Variants in P4HA3 observed in about 807,000 individuals in gnomAD.
The protein encoded by P4HA3 is prolyl 4-hydroxylase subunit alpha 3, also known as prolyl 4-hydroxylase subunit alpha-3.
P4HA3 carries 60 observed loss-of-function variants against 66.7 expected under a neutral mutation model. The ratio of observed to expected loss-of-function variants is 0.90; its 90% CI spans 0.73 to 1.12. The LOEUF (loss-of-function observed/expected upper bound fraction) is 1.12. Ranked by LOEUF, P4HA3 falls within the 50% of genes most tolerant of loss-of-function variation. The pLI is 0.00. For missense variants in P4HA3, 683 were observed against 685.8 expected, an observed-to-expected ratio of 1.00 and a Z score of 0.05; for synonymous variants, 263 against 274.6, an observed-to-expected ratio of 0.96 and a Z score of 0.42.
At chr11:74,270,488 T>A (rs1860157452) in intron 10 of P4HA3, among the ~76,000 whole-genome samples, 1 of 142,554 alleles carries the variant, frequency 7.0e-6, no homozygotes, top group African/African-American at 2.5e-5. Flanking sequence ...AAAATATTTT[T>A]AAATAACAAT....
chr11:74,300,399 G>A (rs1166365876), intron 3 of P4HA3, among the ~76,000 whole-genome samples: 1 of 152,210 alleles, frequency 6.6e-6, no homozygotes, highest in Non-Finnish European at 1.5e-5. Context: ...GGGAGGCTGA[G>A]GCAGGAGGAT....
At chr11:74,300,489 C>G (rs1278675565) in intron 3 of P4HA3, among the ~76,000 whole-genome samples, 1 of 151,960 alleles carries the variant, frequency 6.6e-6, no homozygotes, top group African/African-American at 2.4e-5. Flanking sequence ...TATGGTGGGG[C>G]ACACCTGTAG....
At chr11:74,298,172 T>C in intron 4 of P4HA3, 40 bp downstream of exon 4, 1 of 1,594,130 alleles carries the variant, frequency 6.3e-7, no homozygotes, top group Non-Finnish European at 8.6e-7. Context: ...AGGATTTCAC[T>C]TAGTATAATA....
chr11:74,292,378 G>C (rs1591122035), intron 4 of P4HA3, among the ~76,000 whole-genome samples: 1 of 151,870 alleles, frequency 6.6e-6, no homozygotes, highest in African/African-American at 2.4e-5. Context: ...CAATTTTGTT[G>C]ATCTTTTCAA....
chr11:74,310,999 C>T (rs529170172), intron 1 of P4HA3, among the ~76,000 whole-genome samples: 7 of 152,180 alleles, frequency 4.6e-5, no homozygotes, highest in Non-Finnish European at 1.0e-4. Flanking sequence ...CAGTGTGACA[C>T]AGGGCCTGGG....
chr11:74,263,072 C>T (rs1859934759), downstream of P4HA3, among the ~76,000 whole-genome samples: 2 of 152,258 alleles, frequency 1.3e-5, no homozygotes, highest in South Asian at 4.1e-4. Flanking sequence ...CCATAGGGCC[C>T]TACCCTCTCT....
In P4HA3 at chr11:74,311,567, C is replaced by T. The variant is rs946053687; in HGVS notation, c.45G>A (p.Ala15=). 3.3e-6 allele frequency: 5 copies of T among 1,532,162 alleles called. No homozygotes were observed. Among genetic ancestry groups the T allele is most frequent in the African/African-American group, 1.4e-5 (1 of 69,858 alleles). 94.9% of individuals were successfully genotyped at this position (1,532,162 alleles called of 1,614,324 possible). ...ARLAALLAVL[A]LGTGDPERAA... ...CCCTTTCTGGGTCTCCTGTCCCGAG[C>T]GCCAGCACCGCCAGCAGCGCCGCCA... The change falls in exon 1 of 13, where the codon GCG becomes GCA. Residue 15 remains alanine, a synonymous_variant. Transcript: ENST00000331597.
chr11:74,263,600 T>C (rs949132162), downstream of P4HA3, among the ~76,000 whole-genome samples: 2 of 152,226 alleles, frequency 1.3e-5, no homozygotes, highest in Admixed American at 6.5e-5. Context: ...ATCTATAAAA[T>C]GGGCATAATA....
intron 15 of P4HA3, among the ~76,000 whole-genome samples, chr11:74,258,462 G>A (rs897684527): frequency 2.0e-5 from 3 of 152,074 alleles, no homozygotes; most frequent in African/African-American, 4.8e-5. Flanking sequence ...TATAAAGCAC[G>A]TTTACAACCT....
intron 15 of P4HA3, among the ~76,000 whole-genome samples, chr11:74,257,826 A>G (rs1348792022): frequency 5.9e-5 from 9 of 152,120 alleles, no homozygotes; most frequent in African/African-American, 2.2e-4. Context: ...CTTAATTAGA[A>G]CAGTGGCCAC....
intron 15 of P4HA3, chr11:74,252,684 C>T: frequency 2.8e-6 from 1 of 357,696 alleles, no homozygotes; most frequent in Non-Finnish European, 5.6e-6. Flanking sequence ...ACAGTAGTAC[C>T]CCTCCCACAC....
chr11:74,251,083 A>G, intron 15 of P4HA3: 2 of 1,546,322 alleles, frequency 1.3e-6, no homozygotes, highest in Non-Finnish European at 1.8e-6. Context: ...GTCACAGAAG[A>G]CAAGTCTCTG....
At chr11:74,253,535 A>G in intron 15 of P4HA3, 2 of 1,595,378 alleles carry the variant, frequency 1.3e-6, no homozygotes, top group African/African-American at 2.7e-5. Context: ...CCCCTCCTCA[A>G]CATCGAGCTC....
chr11:74,267,431 T>C, intron 12 of P4HA3, 113 bp from the exon 13 acceptor site: 2 of 1,337,994 alleles, frequency 1.5e-6, no homozygotes, highest in Non-Finnish European at 2.0e-6. Context: ...AAATTCTGCA[T>C]CCTAGGTAAC....
chr11:74,287,332 G>A (rs1166110769), intron 5 of P4HA3: 1 of 1,286,546 alleles, frequency 7.8e-7, no homozygotes, highest in Admixed American at 2.3e-5. Context: ...TTACCATTCT[G>A]TTTTAACAAG....
chr11:74,268,051 G>T, intron 12 of P4HA3, 94 bp downstream of exon 12: 4 of 1,077,896 alleles, frequency 3.7e-6, no homozygotes, highest in East Asian at 2.4e-5. Context: ...GAAGCGTTTG[G>T]AATGGGATGG....
chr11:74,255,400 C>A (rs578100577), intron 15 of P4HA3, among the ~76,000 whole-genome samples: 10 of 152,322 alleles, frequency 6.6e-5, no homozygotes, highest in East Asian at 3.9e-4. Context: ...CCTCCTCCCC[C>A]CTGGGTGGTC....
intron 3 of P4HA3, among the ~76,000 whole-genome samples, chr11:74,301,891 T>C (rs1861417933): frequency 6.6e-6 from 1 of 152,194 alleles, no homozygotes; most frequent in African/African-American, 2.4e-5. Context: ...CTCAGGAGGC[T>C]GTTTCCGTGA....
rs546150855 is a variant in P4HA3, at chr11:74,308,038, A to G, written c.200+3374T>C. ...GTACCATACTGGCATATAACTATAT[A>G]TACTATAACAAGTATAATTTTTATT... On this transcript the variant is annotated intron_variant, in intron 1 of 12. Coordinates refer to ENST00000331597, the MANE Select transcript of P4HA3 (RefSeq NM_182904.5). Among the ~76,000 whole-genome samples, 4 of 152,336 alleles carry G rather than the reference A, an allele frequency of 2.6e-5. No individual in the cohort carries two copies. The East Asian group carries it at 7.7e-4, about 29-fold the overall frequency.
Sources: allele counts gnomAD v4.1 joint callset (sites outside exome capture counted in the v4.1 genomes callset), GRCh38; gene constraint gnomAD v4.1.1; transcripts MANE v1.5; gene names NCBI Gene and HGNC (gene_info 2026-07-23, HGNC 2026-07-21).